Variants in LAMA2 observed in about 807,000 individuals in gnomAD.
The protein encoded by LAMA2 is laminin subunit alpha 2.
Under a neutral mutation model 364.8 loss-of-function variants are expected in LAMA2, and 269 were observed. The ratio of observed to expected loss-of-function variants is 0.74; its 90% CI spans 0.67 to 0.82. The LOEUF is 0.82. Among genes scored for constraint, LAMA2 ranks in the 40% least tolerant of loss-of-function variants. The pLI, the probability that LAMA2 is intolerant of heterozygous loss-of-function variation, is 0.00. For synonymous variants in LAMA2, 1,379 were observed against 1,370.6 expected, an observed-to-expected ratio of 1.01 and a Z score of -0.14; for missense variants, 3,807 against 3,873.2, an observed-to-expected ratio of 0.98 and a Z score of 0.45.
At chr6:129,423,048 A>G (rs1781154847) in intron 40 of LAMA2, among the ~76,000 whole-genome samples, 1 of 152,114 alleles carries the variant, frequency 6.6e-6, no homozygotes, top group African/African-American at 2.4e-5. Context: ...GAAATTAGTC[A>G]GTGTAATTTA....
At chr6:129,127,267 T>C (rs1025236331) in intron 4 of LAMA2, among the ~76,000 whole-genome samples, 2 of 152,252 alleles carry the variant, frequency 1.3e-5, no homozygotes, top group African/African-American at 4.8e-5. Flanking sequence ...TCAGCCTCTG[T>C]AACTTCTATT....
At chr6:128,983,821 G>A (rs542866715) in intron 1 of LAMA2, among the ~76,000 whole-genome samples, 1 of 152,300 alleles carries the variant, frequency 6.6e-6, no homozygotes, top group South Asian at 2.1e-4. Flanking sequence ...ACAAGAAATG[G>A]TAATGGCCTG....
At chr6:129,382,880 A>C (rs1317501232) in intron 34 of LAMA2, among the ~76,000 whole-genome samples, 2 of 152,240 alleles carry the variant, frequency 1.3e-5, no homozygotes, top group Non-Finnish European at 2.9e-5. Context: ...CTGCCATAGC[A>C]TATAACAAGC....
intron 22 of LAMA2, among the ~76,000 whole-genome samples, chr6:129,309,280 A>C (rs756851361): frequency 1.3e-5 from 2 of 152,226 alleles, no homozygotes; most frequent in Non-Finnish European, 2.9e-5. Context: ...ATTGCTAAAC[A>C]AATATTACCT....
chr6:129,402,403 T>C lies in LAMA2; in HGVS notation c.5642T>C (p.Ile1881Thr), dbSNP rs769864752. 1.9e-6 allele frequency: 3 copies of C among 1,613,950 alleles called. No homozygotes were observed. The highest frequency in any genetic ancestry group is 2.2e-5 in the South Asian group (2 of 91,060). Residue 1881 changes from isoleucine (I) to threonine (T), a missense_variant, in exon 39 of 65, where the codon ATA becomes ACA. This residue lies in a region of LAMA2 where 3,333 missense variants were observed against 3,345.7 expected (regional missense o/e 1.00). Transcript: ENST00000421865. Reference protein sequence around the residue: ...NDKIDDLSQEIKDRKLAEKVS... With the variant: ...NDKIDDLSQETKDRKLAEKVS... Reference sequence around the variant, plus strand: ...AAAATAGATGACCTCTCCCAAGAAATAAAGGACAGGAAGCTTGCTGAGAAG... The same window carrying C: ...AAAATAGATGACCTCTCCCAAGAAACAAAGGACAGGAAGCTTGCTGAGAAG...
At chr6:129,413,315 A>T (rs1353953474) in intron 40 of LAMA2, among the ~76,000 whole-genome samples, 3 of 152,184 alleles carry the variant, frequency 2.0e-5, no homozygotes, top group African/African-American at 7.2e-5. Flanking sequence ...TAAATATATC[A>T]GAATGAGAAC....
chr6:129,060,405 T>C (rs1029303379), intron 3 of LAMA2, among the ~76,000 whole-genome samples: 2 of 152,222 alleles, frequency 1.3e-5, no homozygotes, highest in African/African-American at 2.4e-5. Context: ...TTATACAAAA[T>C]TGATGCCGGA....
At chr6:129,277,586 A>G (rs1583400545) in intron 17 of LAMA2, among the ~76,000 whole-genome samples, 1 of 152,162 alleles carries the variant, frequency 6.6e-6, no homozygotes. Context: ...TTCAATGACA[A>G]TTGGTTATAG....
intron 40 of LAMA2, among the ~76,000 whole-genome samples, chr6:129,423,811 A>C (rs1043155511): frequency 6.6e-6 from 1 of 152,104 alleles, no homozygotes; most frequent in Non-Finnish European, 1.5e-5. Context: ...CAGAAGATTC[A>C]ATATTCCTAT....
chr6:129,456,100 T>C (rs1056493653), intron 47 of LAMA2, among the ~76,000 whole-genome samples: 1 of 152,150 alleles, frequency 6.6e-6, no homozygotes, highest in African/African-American at 2.4e-5. Context: ...CAGGACCTGG[T>C]GCTCACTGGT....
chr6:129,147,264 CTT>C (rs10647857), intron 6 of LAMA2, among the ~76,000 whole-genome samples: 6 of 125,570 alleles, frequency 4.8e-5, no homozygotes, highest in Non-Finnish European at 1.0e-4. Flanking sequence ...TTAGTTTTTC[CTT>C]TTTTTTTTTT....
intron 7 of LAMA2, among the ~76,000 whole-genome samples, chr6:129,149,991 T>C (rs991708788): frequency 6.6e-6 from 1 of 152,276 alleles, no homozygotes; most frequent in Non-Finnish European, 1.5e-5. Flanking sequence ...ACCATTCCCA[T>C]GGATATTGAG....
chr6:129,389,080 A>C (rs533050354), intron 35 of LAMA2, among the ~76,000 whole-genome samples: 26 of 152,314 alleles, frequency 1.7e-4, no homozygotes, highest in African/African-American at 6.3e-4. Context: ...TACTGACAAT[A>C]GTGGTGAAAT....
At chr6:129,393,693 T>G (rs923919234) in intron 37 of LAMA2, among the ~76,000 whole-genome samples, 1 of 152,230 alleles carries the variant, frequency 6.6e-6, no homozygotes. Context: ...AATATTCATA[T>G]CATATTATTT....
intron 35 of LAMA2, among the ~76,000 whole-genome samples, chr6:129,385,367 G>A (rs1383814565): frequency 1.3e-5 from 2 of 150,700 alleles, no homozygotes; most frequent in Non-Finnish European, 3.0e-5. Flanking sequence ...CGGAAGGAAG[G>A]ACTCACCAAA....
chr6:129,239,053 A>C (rs977860001), intron 12 of LAMA2, among the ~76,000 whole-genome samples: 5 of 152,218 alleles, frequency 3.3e-5, no homozygotes, highest in Non-Finnish European at 1.5e-5. Flanking sequence ...TGTTTTACAT[A>C]ATAGCAACAA....
chr6:129,061,416 A>G (rs1382965267), intron 3 of LAMA2, among the ~76,000 whole-genome samples: 1 of 152,232 alleles, frequency 6.6e-6, no homozygotes, highest in Non-Finnish European at 1.5e-5. Context: ...TTTGAGCTGA[A>G]CAGCAATATT....
At chr6:129,398,366 A>G (rs900106782) in intron 37 of LAMA2, among the ~76,000 whole-genome samples, 1 of 152,034 alleles carries the variant, frequency 6.6e-6, no homozygotes, top group African/African-American at 2.4e-5. Context: ...TGAATGACAT[A>G]TCAAAACTTC....
intron 56 of LAMA2, among the ~76,000 whole-genome samples, chr6:129,486,874 T>A (rs1272159938): frequency 6.6e-6 from 1 of 152,208 alleles, no homozygotes; most frequent in Non-Finnish European, 1.5e-5. Flanking sequence ...ACCAAATGCA[T>A]TTTCTGAAGC....
Sources: allele counts gnomAD v4.1 joint callset (sites outside exome capture counted in the v4.1 genomes callset), GRCh38; gene constraint gnomAD v4.1.1; regional missense constraint gnomAD v4.1.1; transcripts MANE v1.5; gene names NCBI Gene and HGNC (gene_info 2026-07-23, HGNC 2026-07-21).